CALU: variants seen among roughly 807,000 people sequenced by gnomAD.
The protein encoded by CALU is calumenin.
In CALU, 13 loss-of-function variants were observed where a neutral mutation model predicts 37.5. The observed-to-expected ratio is 0.35, with a 90% confidence interval of 0.23 to 0.55. CALU has a LOEUF of 0.55. Ranked by LOEUF, CALU falls within the 20% of genes least tolerant of loss-of-function variation. The pLI is 0.89. For missense variants in CALU, 282 were observed against 391.7 expected (o/e 0.72, Z 2.36); for synonymous variants, 114 against 133.8 (o/e 0.85, Z 1.02).
At chr7:128,753,039 G>C (rs1800738347) in intron 2 of CALU, among the ~76,000 whole-genome samples, 1 of 152,170 alleles carries the variant, frequency 6.6e-6, no homozygotes, top group South Asian at 2.1e-4. Context: ...TTTAGAGCAA[G>C]ATTACACATT....
chr7:128,751,794 C>T lies in CALU; in HGVS notation c.222-2468C>T, dbSNP rs145798251. ...AATTTCAGGAATATTAGTCACCCTT[C>T]TGGAGCCCATTTATTGATCCAAATT... On this transcript the variant is annotated intron_variant, in intron 2 of 6. Transcript: ENST00000249364. Among the ~76,000 whole-genome samples the T allele has an allele frequency of 3.6e-3, 551 of 152,304 alleles. 3 individuals carry two copies. Among genetic ancestry groups the T allele is most frequent in the African/African-American group, 0.013 (535 of 41,576 alleles).
chr7:128,767,370 G>C, intron 5 of CALU, 86 bp from the exon 6 acceptor site: 2 of 1,014,140 alleles, frequency 2.0e-6, no homozygotes, highest in East Asian at 2.4e-5. Flanking sequence ...ACAAATGGAT[G>C]AGGAAAAAGG....
chr7:128,768,850 A>AAAAAAAAAAAAAAAAAAAAAAAAAC (rs1289595593), intron 6 of CALU, among the ~76,000 whole-genome samples: 1 of 147,148 alleles, frequency 6.8e-6, no homozygotes, highest in Non-Finnish European at 1.5e-5. Flanking sequence ...TCCGTCTCAA[A>AAAAAAAAAAAAAAAAAAAAAAAAAC]AAAAAAAAAA....
chr7:128,745,679 G>T (rs1452330309), intron 1 of CALU, among the ~76,000 whole-genome samples: 2 of 152,128 alleles, frequency 1.3e-5, no homozygotes, highest in Non-Finnish European at 2.9e-5. Flanking sequence ...CTTTAATGTT[G>T]TATTTATAGA....
chr7:128,760,644 C>T (rs1239575597), intron 5 of CALU, among the ~76,000 whole-genome samples: 2 of 152,084 alleles, frequency 1.3e-5, no homozygotes, highest in African/African-American at 4.8e-5. Context: ...CACGGTGGCT[C>T]ACGCCTGTAA....
chr7:128,753,394 C>G (rs962589018), intron 2 of CALU, among the ~76,000 whole-genome samples: 11 of 152,198 alleles, frequency 7.2e-5, no homozygotes, highest in African/African-American at 2.7e-4. Flanking sequence ...CACCTTTAAA[C>G]AGAAGTTTTC....
At chr7:128,766,452 G>A (rs62479589) in intron 5 of CALU, among the ~76,000 whole-genome samples, 39,628 of 135,586 alleles carry the variant, frequency 0.29, 6,643 homozygotes, top group Middle Eastern at 0.41. Context: ...TTTTTGAGAC[G>A]GAGTCTTGCT....
Position 128,772,442 on chromosome 7 carries a change from T to C in CALU, c.*3275T>C. ...GCCATCACTCCTTTTACCATCTTTT[T>C]TGTGTTTTTAGTAGTTTGGTTTCTG... On this transcript the variant is annotated 3_prime_UTR_variant, in exon 7 of 7. Transcript: ENST00000249364. 6.9e-7 allele frequency: 1 copy of C among 1,455,790 alleles called. No homozygotes were observed. The allele number at this position is 1,455,790 out of a possible 1,614,324, so 90.2% of individuals were successfully genotyped here. A position where few individuals can be genotyped will look rare whatever the true frequency, so the allele number is the denominator to read the frequency against.
intron 3 of CALU, among the ~76,000 whole-genome samples, chr7:128,757,625 C>T (rs1192607858): frequency 6.6e-6 from 1 of 152,010 alleles, no homozygotes; most frequent in Non-Finnish European, 1.5e-5. Context: ...AGTGTCATAT[C>T]CTTTTTATGT....
intron 5 of CALU, among the ~76,000 whole-genome samples, chr7:128,760,757 A>C (rs1801081160): frequency 1.3e-5 from 2 of 152,176 alleles, no homozygotes; most frequent in African/African-American, 2.4e-5. Context: ...AAATACAAAA[A>C]ATTAGCCGGG....
chr7:128,752,809 T>C (rs957259707), intron 2 of CALU, among the ~76,000 whole-genome samples: 7 of 152,140 alleles, frequency 4.6e-5, no homozygotes, highest in African/African-American at 1.7e-4. Flanking sequence ...CTCAGCCTCC[T>C]GAATAGCTGA....
At chr7:128,752,229 GT>G (rs1168105994) in intron 2 of CALU, among the ~76,000 whole-genome samples, 2 of 151,978 alleles carry the variant, frequency 1.3e-5, no homozygotes, top group Non-Finnish European at 2.9e-5. Flanking sequence ...TAAAAAAGAA[GT>G]TTGCCTTGTA....
At chr7:128,739,700 C>T (rs905786737) in intron 1 of CALU, among the ~76,000 whole-genome samples, 1 of 152,140 alleles carries the variant, frequency 6.6e-6, no homozygotes, top group African/African-American at 2.4e-5. Flanking sequence ...TGTTCTGTGC[C>T]TGGTTTGCTG....
chr7:128,741,833 T>C (rs1318160716), intron 1 of CALU, among the ~76,000 whole-genome samples: 1 of 152,242 alleles, frequency 6.6e-6, no homozygotes, highest in African/African-American at 2.4e-5. Flanking sequence ...GAAACTTTTT[T>C]CTCTCAGAAT....
At position 128,756,680 on chromosome 7, in the gene CALU, G is replaced by C. The variant is rs1215873300; in HGVS notation, c.416-2191G>C. ...TGCCTATAGCAAAACTAGATCAAGA[G>C]CCTACCTAAAGCTGTATACAGGCCA... On this transcript the variant is annotated intron_variant, in intron 3 of 6. Transcript: ENST00000249364. Among the ~76,000 whole-genome samples the C allele has an allele frequency of 2.6e-5, 4 of 152,162 alleles. No individual in the cohort carries two copies. The East Asian group carries it at 7.7e-4, about 29-fold the overall frequency.
At chr7:128,759,462 C>A (rs1471805732) in intron 4 of CALU, among the ~76,000 whole-genome samples, 3 of 152,194 alleles carry the variant, frequency 2.0e-5, no homozygotes, top group African/African-American at 7.2e-5. Flanking sequence ...CTGGTCACAT[C>A]TCCTGTTAGT....
At position 128,754,385 on chromosome 7, in the gene CALU, G is replaced by A. The variant is rs946173161; in HGVS notation, c.345G>A (p.Gly115=). The A allele has an allele frequency of 6.2e-7, 1 of 1,614,146 alleles. No homozygotes were observed. The highest frequency in any genetic ancestry group is 8.5e-7 in the Non-Finnish European group (1 of 1,180,012). Residue 115 remains glycine, a synonymous_variant, in exon 3 of 7, where the codon GGG becomes GGA. Transcript: ENST00000249364. ...AGGATGTAGAGCGACAGTGGAAGGG[G>A]CATGACCTCAATGAGGACGGCCTCG... ...IYEDVERQWK[G]HDLNEDGLVS...
intron 2 of CALU, among the ~76,000 whole-genome samples, chr7:128,749,906 A>C (rs1348855790): frequency 2.6e-5 from 4 of 152,184 alleles, no homozygotes; most frequent in African/African-American, 9.7e-5. Context: ...TTTTAATCTA[A>C]TAACTGTACT....
Position 128,769,418 on chromosome 7 carries a change from G to A in CALU, c.*251G>A, listed in dbSNP as rs916143378. 23 of 262,490 alleles carry A rather than the reference G, an allele frequency of 8.8e-5. No individual in the cohort carries two copies. The highest frequency in any genetic ancestry group is 2.0e-4 in the South Asian group (2 of 10,190). 16.3% of individuals were successfully genotyped at this position (262,490 alleles called of 1,614,324 possible). Reference sequence around the variant, plus strand: ...ACTTTGTATTATGTATTAACATGGCGTGTTTATTTTTGTATTTTTCTCTGG... The same window carrying A: ...ACTTTGTATTATGTATTAACATGGCATGTTTATTTTTGTATTTTTCTCTGG... On this transcript the variant is annotated 3_prime_UTR_variant, in exon 7 of 7. Coordinates refer to ENST00000249364, the MANE Select transcript of CALU (RefSeq NM_001219.5).
Sources: allele counts gnomAD v4.1 joint callset (sites outside exome capture counted in the v4.1 genomes callset), GRCh38; gene constraint gnomAD v4.1.1; transcripts MANE v1.5; gene names NCBI Gene and HGNC (gene_info 2026-07-23, HGNC 2026-07-21).